Variants in BLTP3A observed in about 807,000 individuals in gnomAD.
BLTP3A encodes ICBP90 binding protein 1.
the BLTP3A span, among the ~76,000 whole-genome samples, chr6:34,842,752 G>A: frequency 2.9e-4 from 44 of 152,206 alleles, no homozygotes; most frequent in African/African-American, 9.6e-4. Flanking sequence ...GTTCATGGAA[G>A]ATACACAAAA....
chr6:34,823,662 C>A, the BLTP3A span, among the ~76,000 whole-genome samples: 1 of 151,222 alleles, frequency 6.6e-6, no homozygotes, highest in Non-Finnish European at 1.5e-5. Flanking sequence ...TCTACCTCAG[C>A]CTCCCAAGTA....
At chr6:34,792,869 A>G in the BLTP3A span, among the ~76,000 whole-genome samples, 4 of 152,068 alleles carry the variant, frequency 2.6e-5, no homozygotes, top group Non-Finnish European at 4.4e-5. Context: ...TCTCTTTCCC[A>G]GGAGCTCCCA....
chr6:34,835,574 C>A, the BLTP3A span: 13 of 1,251,838 alleles, frequency 1.0e-5, no homozygotes, highest in African/African-American at 1.1e-4. Flanking sequence ...TTGTCATTTA[C>A]TTCTGGGTAT....
chr6:34,870,276 A>G, the BLTP3A span, among the ~76,000 whole-genome samples: 2 of 152,280 alleles, frequency 1.3e-5, no homozygotes, highest in Admixed American at 6.5e-5. Context: ...TATAATTTCT[A>G]GATCATTAGG....
chr6:34,860,877 C>T, the BLTP3A span, among the ~76,000 whole-genome samples: 1 of 152,152 alleles, frequency 6.6e-6, no homozygotes, highest in Admixed American at 6.5e-5. Context: ...TGAAATGAGC[C>T]CTTTTAAAAC....
At chr6:34,828,934 G>T in the BLTP3A span, among the ~76,000 whole-genome samples, 2 of 144,832 alleles carry the variant, frequency 1.4e-5, no homozygotes, top group Non-Finnish European at 3.0e-5. Context: ...GGCTGAGGCA[G>T]GAGAATTGCT....
the BLTP3A span, chr6:34,870,897 C>G: frequency 6.2e-7 from 1 of 1,614,110 alleles, no homozygotes; most frequent in African/African-American, 1.3e-5. Flanking sequence ...CTGGCCACAT[C>G]AGGCCAGCTG....
At chr6:34,800,131 G>C in the BLTP3A span, among the ~76,000 whole-genome samples, 1 of 151,950 alleles carries the variant, frequency 6.6e-6, no homozygotes, top group African/African-American at 2.4e-5. Flanking sequence ...CCTCAGCATA[G>C]CTGAAATAGC....
the BLTP3A span, among the ~76,000 whole-genome samples, chr6:34,826,313 C>T: frequency 2.0e-5 from 3 of 151,668 alleles, no homozygotes; most frequent in East Asian, 1.9e-4. Flanking sequence ...TGAGCCACCG[C>T]ACCTGGCCTA....
chr6:34,831,800 A>G, the BLTP3A span, among the ~76,000 whole-genome samples: 1 of 152,094 alleles, frequency 6.6e-6, no homozygotes, highest in Non-Finnish European at 1.5e-5. Context: ...GTTTTGATTT[A>G]TGAGTGAGGT....
At chr6:34,800,973 C>A in the BLTP3A span, among the ~76,000 whole-genome samples, 4 of 152,144 alleles carry the variant, frequency 2.6e-5, no homozygotes, top group Non-Finnish European at 5.9e-5. Context: ...AAGTAATCCA[C>A]CTACCTGAGC....
At chr6:34,860,646 A>G in the BLTP3A span, among the ~76,000 whole-genome samples, 1 of 152,212 alleles carries the variant, frequency 6.6e-6, no homozygotes, top group Non-Finnish European at 1.5e-5. Context: ...TTTTTATAAT[A>G]GCCCTATAAG....
At chr6:34,841,091 G>A in the BLTP3A span, among the ~76,000 whole-genome samples, 8 of 151,944 alleles carry the variant, frequency 5.3e-5, no homozygotes, top group East Asian at 1.2e-3. Context: ...CGCCTAAGCC[G>A]CCTGGGTAGC....
At chr6:34,818,875 A>G in the BLTP3A span, among the ~76,000 whole-genome samples, 655 of 152,350 alleles carry the variant, frequency 4.3e-3, 5 homozygotes, top group African/African-American at 0.015. Context: ...AATTGCAAAG[A>G]TAAACTTTTG....
At chr6:34,826,967 T>A in the BLTP3A span, among the ~76,000 whole-genome samples, 32,694 of 152,108 alleles carry the variant, frequency 0.21, 4,229 homozygotes, top group African/African-American at 0.36. Flanking sequence ...TGAGTTTTCA[T>A]TGCTTTAAGG....
chr6:34,839,395 G>C, the BLTP3A span, among the ~76,000 whole-genome samples: 1 of 152,178 alleles, frequency 6.6e-6, no homozygotes, highest in Non-Finnish European at 1.5e-5. Context: ...TATAGAAAGG[G>C]CTTTAAGATT....
At chr6:34,802,513 G>A in the BLTP3A span, among the ~76,000 whole-genome samples, 1 of 152,096 alleles carries the variant, frequency 6.6e-6, no homozygotes, top group Non-Finnish European at 1.5e-5. Context: ...GGGATTACAG[G>A]CACCCACCAC....
the BLTP3A span, chr6:34,858,858 G>A: frequency 6.2e-7 from 1 of 1,614,166 alleles, no homozygotes; most frequent in Non-Finnish European, 8.5e-7. Flanking sequence ...ACCACTACCA[G>A]TACTTGGCTC....
chr6:34,870,823 T>C, the BLTP3A span: 1 of 1,608,554 alleles, frequency 6.2e-7, no homozygotes, highest in Non-Finnish European at 8.5e-7. Flanking sequence ...TGGCCGTTAA[T>C]TAGTTGTCTT....
Sources: allele counts gnomAD v4.1 joint callset (sites outside exome capture counted in the v4.1 genomes callset), GRCh38; gene constraint gnomAD v4.1.1; transcripts MANE v1.5; gene names NCBI Gene and HGNC (gene_info 2026-07-23, HGNC 2026-07-21).